SLC25A30: variants seen among roughly 807,000 people sequenced by gnomAD.
The protein encoded by SLC25A30 is kidney mitochondrial carrier protein 1.
A neutral mutation model predicts 42.7 loss-of-function variants in SLC25A30; 29 were observed. The observed-to-expected ratio is 0.68, with a 90% CI of 0.51 to 0.93. SLC25A30 has a LOEUF of 0.93. Among genes scored for constraint, SLC25A30 ranks in the 40% least tolerant of loss-of-function variants. SLC25A30 has a pLI of 0.00. For synonymous variants in SLC25A30, 124 were observed against 131.0 expected, an observed-to-expected ratio of 0.95 and a Z score of 0.37; for missense variants, 300 against 359.7, an observed-to-expected ratio of 0.83 and a Z score of 1.34.
upstream of SLC25A30, among the ~76,000 whole-genome samples, chr13:45,418,901 A>T (rs35695030): frequency 5.2e-5 from 7 of 134,710 alleles, no homozygotes; most frequent in African/African-American, 1.9e-4. Context: ...AGAGCGTACC[A>T]CTGCACTCCA....
chr13:45,430,210 T>C, the SLC25A30 span, among the ~76,000 whole-genome samples: 487 of 152,008 alleles, frequency 3.2e-3, 4 homozygotes, highest in African/African-American at 0.011. Context: ...TAACAAAATA[T>C]GTGATGTAAT....
chr13:45,425,161 T>A, the SLC25A30 span, among the ~76,000 whole-genome samples: 1 of 90,628 alleles, frequency 1.1e-5, no homozygotes, highest in African/African-American at 4.3e-5. Flanking sequence ...TATTGATAAA[T>A]ATATATAAGT....
chr13:45,432,665 T>C, the SLC25A30 span, among the ~76,000 whole-genome samples: 1 of 151,102 alleles, frequency 6.6e-6, no homozygotes, highest in Non-Finnish European at 1.5e-5. Flanking sequence ...GCAACCTAAA[T>C]GGCTACTTAC....
the SLC25A30 span, among the ~76,000 whole-genome samples, chr13:45,426,005 T>TTA: frequency 6.1e-5 from 9 of 147,542 alleles, no homozygotes; most frequent in African/African-American, 1.7e-4. Context: ...TTTATATGTA[T>TTA]TATATATATA....
At chr13:45,425,371 A>T in the SLC25A30 span, among the ~76,000 whole-genome samples, 54,094 of 107,706 alleles carry the variant, frequency 0.5, 14,118 homozygotes, top group African/African-American at 0.56. Flanking sequence ...TATGTATAAA[A>T]ATATATAAGT....
chr13:45,412,020 G>A (rs1206266057), intron 1 of SLC25A30: 1 of 100,632 alleles, frequency 9.9e-6, no homozygotes, highest in Non-Finnish European at 2.0e-5. Flanking sequence ...GTGGGGGGGT[G>A]GGGTGGGGAT....
At chr13:45,427,264 T>C in the SLC25A30 span, among the ~76,000 whole-genome samples, 3 of 152,180 alleles carry the variant, frequency 2.0e-5, no homozygotes, top group Non-Finnish European at 2.9e-5. Flanking sequence ...TCCCGAAGCA[T>C]AGGATAAAGT....
At chr13:45,415,861 G>A (rs1279221892) in intron 1 of SLC25A30, among the ~76,000 whole-genome samples, 1 of 139,462 alleles carries the variant, frequency 7.2e-6, no homozygotes, top group Non-Finnish European at 1.5e-5. Context: ...GTGCGGTGGT[G>A]CTATCTCAGC....
chr13:45,417,238 T>G (rs1883611913), intron 1 of SLC25A30, among the ~76,000 whole-genome samples: 1 of 152,180 alleles, frequency 6.6e-6, no homozygotes, highest in African/African-American at 2.4e-5. Flanking sequence ...CTCGAACTCC[T>G]GACCTCAGGT....
rs924951956 is a variant in SLC25A30 at position 45,398,884 on chromosome 13, T to G, written c.753+56A>C. 4 of 1,578,114 alleles carry G rather than the reference T, an allele frequency of 2.5e-6. No individual in the cohort carries two copies. The East Asian group carries it at 9.0e-5, about 35-fold the overall frequency. On this transcript the variant is annotated intron_variant, in intron 8 of 9. Coordinates refer to ENST00000519676, the MANE Select transcript of SLC25A30 (RefSeq NM_001010875.4). ...GTAGCTTTCATAATTTAGTTACTTC[T>G]TAGATCAAAAAAATATATAATTCAC...
the SLC25A30 span, among the ~76,000 whole-genome samples, chr13:45,428,360 C>T: frequency 6.6e-6 from 1 of 151,340 alleles, no homozygotes; most frequent in Non-Finnish European, 1.5e-5. Context: ...AGGCGCATGC[C>T]ACCACACCCG....
chr13:45,407,703 C>A (rs1033506814), intron 3 of SLC25A30, among the ~76,000 whole-genome samples: 15 of 152,292 alleles, frequency 9.8e-5, no homozygotes, highest in African/African-American at 3.1e-4. Flanking sequence ...CCACACTGAA[C>A]TACTTCTCTT....
Position 45,394,925 on chromosome 13 carries a change from C to T in SLC25A30, c.*1049G>A, listed in dbSNP as rs1361586566. 1.0e-6 allele frequency: 1 copy of T among 985,302 alleles called. No individual in the cohort carries two copies. Among genetic ancestry groups the T allele is most frequent in the African/African-American group, 1.7e-5 (1 of 57,234 alleles). The allele number at this position is 985,302 out of a possible 1,614,324, so 61.0% of individuals were successfully genotyped here. On this transcript the variant is annotated 3_prime_UTR_variant, in exon 10 of 10. Transcript: ENST00000519676. ...GAAAAATCAACTCTTTGATTCACTA[C>T]CAACATTTTGCTAAGGAAAATGTAC...
At chr13:45,426,619 G>C in the SLC25A30 span, among the ~76,000 whole-genome samples, 1 of 152,042 alleles carries the variant, frequency 6.6e-6, no homozygotes, top group Non-Finnish European at 1.5e-5. Flanking sequence ...TGGTAAAAGG[G>C]GAAATGGCAC....
chr13:45,420,602 C>T (rs80344121), upstream of SLC25A30, among the ~76,000 whole-genome samples: 770 of 152,292 alleles, frequency 5.1e-3, 8 homozygotes, highest in African/African-American at 0.017. Flanking sequence ...TTACCCTAAG[C>T]CCCACCAGCC....
chr13:45,419,692 G>C (rs1337508788), upstream of SLC25A30, among the ~76,000 whole-genome samples: 1 of 151,554 alleles, frequency 6.6e-6, no homozygotes, highest in Non-Finnish European at 1.5e-5. Flanking sequence ...CATTTTGGGA[G>C]GCCGAGACGG....
chr13:45,423,643 ATAC>A, the SLC25A30 span, among the ~76,000 whole-genome samples: 14 of 32,544 alleles, frequency 4.3e-4, no homozygotes, highest in African/African-American at 1.5e-3. Flanking sequence ...TATATATAAA[ATAC>A]ATATTTATAT....
chr13:45,419,451 T>C (rs1883815823), upstream of SLC25A30, among the ~76,000 whole-genome samples: 1 of 149,260 alleles, frequency 6.7e-6, no homozygotes, highest in Admixed American at 6.7e-5. Flanking sequence ...CCCGAGTAGC[T>C]GGGATTACAG....
At chr13:45,416,898 C>T (rs1290050485) in intron 1 of SLC25A30, among the ~76,000 whole-genome samples, 1 of 152,218 alleles carries the variant, frequency 6.6e-6, no homozygotes, top group African/African-American at 2.4e-5. Context: ...TACATTTTCT[C>T]TTACATGGTT....
Sources: allele counts gnomAD v4.1 joint callset (sites outside exome capture counted in the v4.1 genomes callset), GRCh38; gene constraint gnomAD v4.1.1; transcripts MANE v1.5; gene names NCBI Gene and HGNC (gene_info 2026-07-23, HGNC 2026-07-21).